ANKFN1: variants seen among roughly 807,000 people sequenced by gnomAD.
ANKFN1 encodes the protein ankyrin repeat and fibronectin type III domain containing 1, also known as ankyrin repeat and fibronectin type-III domain-containing protein 1.
A neutral mutation model predicts 108.7 loss-of-function variants in ANKFN1; 74 were observed. The ratio of observed to expected loss-of-function variants is 0.68; its 90% CI spans 0.56 to 0.83. The LOEUF is 0.83. ANKFN1 is among the 40% of genes least tolerant of loss of function. The pLI is 0.00. For missense variants in ANKFN1, 1,505 were observed against 1,382.3 expected (o/e 1.09, Z -1.41); for synonymous variants, 547 against 516.2 (o/e 1.06, Z -0.81).
intron 1 of ANKFN1, among the ~76,000 whole-genome samples, chr17:56,167,206 T>C (rs1445962591): frequency 6.7e-6 from 1 of 148,458 alleles, no homozygotes; most frequent in Admixed American, 6.7e-5. Context: ...ATATGTTACA[T>C]ATATATACAT....
Position 56,515,983 on chromosome 17 carries a change from T to C in ANKFN1, c.*4714T>C, listed in dbSNP as rs1750684160. Among the ~76,000 whole-genome samples, 1 of 152,240 alleles carries C rather than the reference T, an allele frequency of 6.6e-6. No individual in the cohort carries two copies. Reference sequence around the variant, plus strand: ...CTTTCTCCTACAGATTTTTTTTTATTTTAGCAAAAGCCAATGTTTAACTTA... The same window carrying C: ...CTTTCTCCTACAGATTTTTTTTTATCTTAGCAAAAGCCAATGTTTAACTTA... On this transcript the variant is annotated 3_prime_UTR_variant, in exon 21 of 21. Coordinates refer to ENST00000682825, the MANE Select transcript of ANKFN1 (RefSeq NM_001370326.1).
In ANKFN1 at chr17:56,510,843, C is replaced by T; in HGVS notation, c.3015C>T (p.His1005=). 3.9e-6 allele frequency: 6 copies of T among 1,536,172 alleles called. No homozygotes were observed. The highest frequency in any genetic ancestry group is 5.2e-6 in the Non-Finnish European group (6 of 1,146,912). ...GFLGKRKPGK[H]PHYGGFSRHH... is the part of the protein sequence containing the mutation. ...TGGGAAAGCGGAAGCCAGGCAAGCA[C>T]CCCCACTATGGCGGCTTCAGCCGCC... The change falls in exon 21 of 21, where the codon CAC becomes CAT. Residue 1005 remains histidine, a synonymous_variant. Coordinates refer to ENST00000682825, the MANE Select transcript of ANKFN1 (RefSeq NM_001370326.1).
chr17:56,204,875 A>G (rs964487236), intron 1 of ANKFN1, among the ~76,000 whole-genome samples: 1 of 151,898 alleles, frequency 6.6e-6, no homozygotes, highest in Non-Finnish European at 1.5e-5. Context: ...GGAGATCGAG[A>G]CCATCCTGGC....
rs965744811 is a variant in ANKFN1, at chr17:56,444,981, G to A, written c.1099+2048G>A. Among the ~76,000 whole-genome samples, 3 of 152,288 alleles carry A rather than the reference G, an allele frequency of 2.0e-5. No homozygotes were observed. In the East Asian group the frequency reaches 5.8e-4, roughly 29 times the overall value. On this transcript the variant is annotated intron_variant, in intron 10 of 20. Coordinates refer to ENST00000682825, the MANE Select transcript of ANKFN1 (RefSeq NM_001370326.1). ...AGGTCAGACAGGGCCTTGGACCACC[G>A]ATGCCTGAGATCCCTAAGGTCCCTG...
At chr17:56,210,029 T>G (rs77947081) in intron 1 of ANKFN1, among the ~76,000 whole-genome samples, 3,575 of 151,666 alleles carry the variant, frequency 0.024, 132 homozygotes, top group African/African-American at 0.082. Context: ...TAGTATTCCA[T>G]GATATGTATA....
chr17:56,316,862 T>G (rs764048582), intron 3 of ANKFN1, among the ~76,000 whole-genome samples: 64 of 152,198 alleles, frequency 4.2e-4, no homozygotes, highest in Non-Finnish European at 7.4e-4. Context: ...CCAGTCCCAC[T>G]AATAGAAACA....
At chr17:56,317,395 C>T (rs931540233) in intron 3 of ANKFN1, among the ~76,000 whole-genome samples, 5 of 152,162 alleles carry the variant, frequency 3.3e-5, no homozygotes, top group East Asian at 1.9e-4. Context: ...ATCCCACCCA[C>T]GTAGTTAAAG....
chr17:56,217,566 T>C (rs1236385701), intron 2 of ANKFN1, among the ~76,000 whole-genome samples: 1 of 152,162 alleles, frequency 6.6e-6, no homozygotes, highest in African/African-American at 2.4e-5. Context: ...ATGTGGCAGA[T>C]AGAGGCCATG....
chr17:56,213,096 A>G (rs1380390975), intron 2 of ANKFN1, among the ~76,000 whole-genome samples: 1 of 152,198 alleles, frequency 6.6e-6, no homozygotes, highest in Non-Finnish European at 1.5e-5. Context: ...GTATCAAAGT[A>G]TCAACTTTAT....
intron 4 of ANKFN1, among the ~76,000 whole-genome samples, chr17:56,348,005 G>C (rs1048042102): frequency 7.2e-5 from 11 of 152,020 alleles, no homozygotes; most frequent in Admixed American, 3.3e-4. Context: ...TTGAACTGGG[G>C]CATTAATGCT....
intron 4 of ANKFN1, among the ~76,000 whole-genome samples, chr17:56,062,816 T>C (rs1216343824): frequency 1.3e-5 from 2 of 152,186 alleles, no homozygotes; most frequent in African/African-American, 2.4e-5. Context: ...AGTTTCTTCA[T>C]AGTGTCATTG....
intron 3 of ANKFN1, among the ~76,000 whole-genome samples, chr17:56,289,102 C>A (rs1403805363): frequency 6.6e-6 from 1 of 152,064 alleles, no homozygotes; most frequent in Non-Finnish European, 1.5e-5. Flanking sequence ...ATGGAAAGGC[C>A]CTGCATTTTT....
At chr17:56,071,535 G>A (rs1905121027) in intron 4 of ANKFN1, among the ~76,000 whole-genome samples, 1 of 152,184 alleles carries the variant, frequency 6.6e-6, no homozygotes, top group African/African-American at 2.4e-5. Flanking sequence ...CATATCAACT[G>A]GGTTGACTTT....
chr17:56,142,567 C>A (rs527255460), intron 4 of ANKFN1, among the ~76,000 whole-genome samples: 2 of 152,266 alleles, frequency 1.3e-5, no homozygotes, highest in African/African-American at 4.8e-5. Context: ...GAAATTCAGA[C>A]CCTGGAAAAT....
chr17:56,224,595 G>A (rs1024254432), intron 2 of ANKFN1: 1 of 152,140 alleles, frequency 6.6e-6, no homozygotes, highest in African/African-American at 2.4e-5. Flanking sequence ...AGAACACTCA[G>A]AAATTTCTAA....
rs755255519 is a variant in ANKFN1, at chr17:56,442,933, A to G, written c.1099A>G (p.Asn367Asp). 1 of 1,613,488 alleles carries G rather than the reference A, an allele frequency of 6.2e-7. No homozygotes were observed. Among genetic ancestry groups the G allele is most frequent in the Non-Finnish European group, 8.5e-7 (1 of 1,179,632 alleles). The change falls in exon 10 of 21, where the codon AAC becomes GAC. Residue 367 changes from asparagine to aspartate, a missense_variant and splice_region_variant. Physicochemically the swap from Asn to Asp is conservative, Grantham distance 23. Transcript: ENST00000682825. ...TTTPACASPSNWKDYDDREPR... is the reference protein window; with the variant it reads ...TTTPACASPSDWKDYDDREPR... ...GACACCGGCATGTGCCTCTCCTTCT[A>G]GTAGGTGGTGGCTGTGAACTCTCTC...
intron 3 of ANKFN1, among the ~76,000 whole-genome samples, chr17:56,277,312 A>G (rs1174344413): frequency 6.6e-6 from 1 of 152,234 alleles, no homozygotes; most frequent in African/African-American, 2.4e-5. Context: ...GGAATTTACA[A>G]TTCCAAATTC....
intron 8 of ANKFN1, among the ~76,000 whole-genome samples, chr17:56,403,873 T>C (rs1377500381): frequency 6.6e-6 from 1 of 152,204 alleles, no homozygotes; most frequent in Non-Finnish European, 1.5e-5. Context: ...TGGTGAATTC[T>C]GTCAGCATTT....
At chr17:56,367,586 T>C (rs112541097) in intron 6 of ANKFN1, among the ~76,000 whole-genome samples, 2,848 of 152,284 alleles carry the variant, frequency 0.019, 109 homozygotes, top group African/African-American at 0.064. Context: ...CTGAGTGGTC[T>C]TGCCCCTGCT....
Sources: gnomAD v4.1 joint callset for allele counts (sites outside exome capture counted in the v4.1 genomes callset) on GRCh38, gnomAD v4.1.1 for gene constraint, MANE v1.5 for transcripts, NCBI Gene and HGNC (gene_info 2026-07-23, HGNC 2026-07-21) for gene names.